ADAMTS12: variants seen among roughly 807,000 people sequenced by gnomAD.
The protein encoded by ADAMTS12 is ADAM metallopeptidase with thrombospondin type 1 motif 12.
Under a neutral mutation model 167.8 loss-of-function variants are expected in ADAMTS12, and 118 were observed. That is an observed-to-expected ratio of 0.70 (90% CI 0.61 to 0.82). The LOEUF (loss-of-function observed/expected upper bound fraction) is 0.82, where lower values mean the gene tolerates loss of function less well. Ranked by LOEUF, ADAMTS12 falls within the 40% of genes least tolerant of loss-of-function variation. The pLI is 0.00. For synonymous variants in ADAMTS12, 704 were observed against 716.9 expected, an observed-to-expected ratio of 0.98 and a Z score of 0.29; for missense variants, 1,916 against 1,998.8, an observed-to-expected ratio of 0.96 and a Z score of 0.79.
chr5:33,668,924 C>T (rs140794058), intron 5 of ADAMTS12, among the ~76,000 whole-genome samples: 63 of 152,314 alleles, frequency 4.1e-4, no homozygotes, highest in African/African-American at 1.5e-3. Context: ...AATAGCAACT[C>T]AAGTTCTCAA....
intron 13 of ADAMTS12, 115 bp from the exon 14 acceptor site, chr5:33,624,466 G>C: frequency 1.4e-6 from 2 of 1,426,290 alleles, no homozygotes; most frequent in South Asian, 1.4e-5. Flanking sequence ...GGAGGTACCA[G>C]GTACAAGGAC....
chr5:33,838,685 C>T (rs753946763), intron 2 of ADAMTS12, among the ~76,000 whole-genome samples: 35 of 148,452 alleles, frequency 2.4e-4, no homozygotes, highest in African/African-American at 5.7e-4. Context: ...CTGTCACAGA[C>T]GAAAAAAAGA....
intron 16 of ADAMTS12, among the ~76,000 whole-genome samples, chr5:33,604,765 C>G (rs1276733305): frequency 6.6e-6 from 1 of 151,852 alleles, no homozygotes; most frequent in Non-Finnish European, 1.5e-5. Context: ...TCAAGTAAAA[C>G]TGCAAAAGTA....
intron 2 of ADAMTS12, among the ~76,000 whole-genome samples, chr5:33,853,636 C>T (rs2111658371): frequency 6.6e-6 from 1 of 152,332 alleles, no homozygotes; most frequent in African/African-American, 2.4e-5. Flanking sequence ...CACCCATCAA[C>T]ATTGATTAGA....
chr5:33,867,812 T>C lies in ADAMTS12; in HGVS notation c.489+13307A>G, dbSNP rs111578989. ...ATCAATTATACTAAGTCAAATGTAA[T>C]ATTAAGTTTGATATGGTTTGGATTT... On this transcript the variant is annotated intron_variant, in intron 2 of 23. Coordinates refer to ENST00000504830, the MANE Select transcript of ADAMTS12 (RefSeq NM_030955.4). 6.2e-4 allele frequency among the ~76,000 whole-genome samples: 95 copies of C among 152,278 alleles called. No individual in the cohort carries two copies. The South Asian group carries it at 9.9e-3, about 16-fold the overall frequency.
At chr5:33,596,849 A>G (rs1345319385) in intron 16 of ADAMTS12, among the ~76,000 whole-genome samples, 1 of 152,210 alleles carries the variant, frequency 6.6e-6, no homozygotes, top group Non-Finnish European at 1.5e-5. Flanking sequence ...AATGTTGTGA[A>G]GTTTGAGATG....
At chr5:33,639,638 G>A (rs1740366056) in intron 11 of ADAMTS12, among the ~76,000 whole-genome samples, 1 of 152,184 alleles carries the variant, frequency 6.6e-6, no homozygotes, top group Non-Finnish European at 1.5e-5. Context: ...TAGTGGCAAA[G>A]CCAAGACTTG....
At chr5:33,759,984 T>C (rs1745290406) in intron 2 of ADAMTS12, among the ~76,000 whole-genome samples, 1 of 152,158 alleles carries the variant, frequency 6.6e-6, no homozygotes, top group African/African-American at 2.4e-5. Context: ...AAAAGAATCA[T>C]ATGGAGAGCT....
At chr5:33,574,603 G>C (rs934683407) in intron 19 of ADAMTS12, among the ~76,000 whole-genome samples, 1 of 129,568 alleles carries the variant, frequency 7.7e-6, no homozygotes, top group African/African-American at 2.8e-5. Flanking sequence ...GTTGTGGGGT[G>C]GGGGGAGGGC....
At chr5:33,681,510 T>A (rs2112258184) in intron 5 of ADAMTS12, among the ~76,000 whole-genome samples, 1 of 152,324 alleles carries the variant, frequency 6.6e-6, no homozygotes, top group Admixed American at 6.5e-5. Context: ...GTGTTGGGGA[T>A]CTAACAGAAT....
intron 1 of ADAMTS12, 88 bp downstream of exon 1, chr5:33,891,642 C>A: frequency 6.3e-7 from 1 of 1,583,202 alleles, no homozygotes. Flanking sequence ...TTCAGTTCTG[C>A]CGGGTGGGGG....
chr5:33,710,598 G>A (rs946318299), intron 3 of ADAMTS12, among the ~76,000 whole-genome samples: 6 of 152,204 alleles, frequency 3.9e-5, no homozygotes, highest in Admixed American at 2.0e-4. Flanking sequence ...CATGGAGCTT[G>A]GAATTTGATG....
At chr5:33,873,253 T>C (rs572599240) in intron 2 of ADAMTS12, among the ~76,000 whole-genome samples, 32 of 151,742 alleles carry the variant, frequency 2.1e-4, no homozygotes, top group African/African-American at 7.3e-4. Context: ...TAAAGTGAGT[T>C]GTTTTACTAT....
At chr5:33,611,324 T>C (rs1435629479) in intron 16 of ADAMTS12, among the ~76,000 whole-genome samples, 4 of 151,446 alleles carry the variant, frequency 2.6e-5, no homozygotes, top group African/African-American at 9.8e-5. Context: ...GCTTCTTGAT[T>C]GTAGCTGTGG....
At chr5:33,725,673 A>C (rs1743955901) in intron 3 of ADAMTS12, among the ~76,000 whole-genome samples, 2 of 152,250 alleles carry the variant, frequency 1.3e-5, no homozygotes. Context: ...CGCAGCTGGG[A>C]ATGGCCTTGC....
At chr5:33,609,254 A>G (rs1405263628) in intron 16 of ADAMTS12, among the ~76,000 whole-genome samples, 1 of 152,222 alleles carries the variant, frequency 6.6e-6, no homozygotes, top group Non-Finnish European at 1.5e-5. Flanking sequence ...AAACTTTTAG[A>G]AGAAAATATA....
chr5:33,868,730 T>C (rs568133939), intron 2 of ADAMTS12, among the ~76,000 whole-genome samples: 1 of 152,228 alleles, frequency 6.6e-6, no homozygotes, highest in Non-Finnish European at 1.5e-5. Context: ...TGGTCACATG[T>C]GGCCCAACAC....
At chr5:33,656,245 A>T (rs1259885036) in intron 7 of ADAMTS12, among the ~76,000 whole-genome samples, 1 of 152,062 alleles carries the variant, frequency 6.6e-6, no homozygotes, top group Admixed American at 6.6e-5. Context: ...ATAATCCACC[A>T]CTCCCAATAA....
At chr5:33,547,809 T>C (rs1745055695) in intron 21 of ADAMTS12, among the ~76,000 whole-genome samples, 1 of 152,156 alleles carries the variant, frequency 6.6e-6, no homozygotes, top group African/African-American at 2.4e-5. Context: ...GCAAATGTCA[T>C]TTCTCTGAAA....
Sources: gnomAD v4.1 joint callset for allele counts (sites outside exome capture counted in the v4.1 genomes callset) on GRCh38, gnomAD v4.1.1 for gene constraint, MANE v1.5 for transcripts, NCBI Gene and HGNC (gene_info 2026-07-23, HGNC 2026-07-21) for gene names.